INO80: variants seen among roughly 807,000 people sequenced by gnomAD.
The protein encoded by INO80 is chromatin-remodeling ATPase INO80.
In INO80, 20 loss-of-function variants were observed where a neutral mutation model predicts 203.4. That is an observed-to-expected ratio of 0.10 (90% confidence interval 0.07 to 0.14). INO80 has a LOEUF of 0.14. Ranked by LOEUF, INO80 falls within the 10% of genes least tolerant of loss-of-function variation. INO80 has a pLI of 1.00. For synonymous variants in INO80, 726 were observed against 685.2 expected (o/e 1.06, Z -0.93); for missense variants, 1,419 against 1,914.4 (o/e 0.74, Z 4.83).
intron 8 of INO80, 104 bp from the exon 9 acceptor site, chr15:41,080,008 C>A: frequency 1.1e-6 from 1 of 930,958 alleles, no homozygotes; most frequent in South Asian, 1.4e-5. Context: ...GCCAAACTGT[C>A]ATCCTTGACC....
intron 21 of INO80, 26 bp from the exon 22 acceptor site, chr15:41,048,302 G>A: frequency 3.2e-6 from 5 of 1,563,988 alleles, no homozygotes; most frequent in Non-Finnish European, 3.5e-6. Context: ...ATAAAATAAA[G>A]CCAAACCCAA....
intron 29 of INO80, among the ~76,000 whole-genome samples, chr15:40,996,247 C>T (rs772163960): frequency 1.4e-4 from 22 of 152,128 alleles, no homozygotes; most frequent in Non-Finnish European, 2.1e-4. Flanking sequence ...TTCCCATTTA[C>T]GTATTTTTAA....
At chr15:41,039,170 G>T (rs978372190) in intron 24 of INO80, among the ~76,000 whole-genome samples, 2 of 152,168 alleles carry the variant, frequency 1.3e-5, no homozygotes, top group Non-Finnish European at 2.9e-5. Context: ...TAGAGACACA[G>T]TCTCACTATG....
intron 29 of INO80, among the ~76,000 whole-genome samples, chr15:40,991,930 A>G (rs2043822238): frequency 6.6e-6 from 1 of 152,106 alleles, no homozygotes; most frequent in African/African-American, 2.4e-5. Flanking sequence ...GGCGTCCGCC[A>G]CCATGCCCGG....
chr15:41,097,400 T>C (rs2045741902), intron 1 of INO80, among the ~76,000 whole-genome samples: 1 of 152,182 alleles, frequency 6.6e-6, no homozygotes, highest in Admixed American at 6.5e-5. Context: ...TATCTCTAAA[T>C]ACTTAAAGGG....
intron 7 of INO80, among the ~76,000 whole-genome samples, chr15:41,084,652 AG>A (rs1241134544): frequency 6.6e-6 from 1 of 152,250 alleles, no homozygotes; most frequent in African/African-American, 2.4e-5. Context: ...ATTTTATTCT[AG>A]TGCCTGTGAT....
At chr15:41,055,133 G>A (rs767102161) in intron 18 of INO80, 114 bp downstream of exon 18, 18 of 540,102 alleles carry the variant, frequency 3.3e-5, no homozygotes, top group Middle Eastern at 2.9e-4. Flanking sequence ...TTTCTTCCCC[G>A]CTGATTTGTC....
chr15:41,061,227 C>G (rs980646995), intron 14 of INO80, among the ~76,000 whole-genome samples: 1 of 151,954 alleles, frequency 6.6e-6, no homozygotes, highest in African/African-American at 2.4e-5. Flanking sequence ...TTGCTTGAGC[C>G]TGGGAGAGGT....
intron 28 of INO80, 57 bp downstream of exon 28, chr15:41,005,536 T>C: frequency 2.3e-6 from 2 of 859,418 alleles, no homozygotes; most frequent in African/African-American, 1.7e-5. Flanking sequence ...AAACTTACCA[T>C]TTCAAGCACT....
In INO80 at chr15:41,095,824, T is replaced by A; in HGVS notation, c.248A>T (p.Glu83Val). The change falls in exon 3 of 36, where the codon GAA becomes GTA. Residue 83 changes from glutamate to valine, a missense_variant. Physicochemically the swap from Glu to Val is moderately radical, Grantham distance 121. Coordinates refer to ENST00000648947, the MANE Select transcript of INO80 (RefSeq NM_017553.3). ...KEEPPNSLLG[E>V]TSGAGSSGML... is the part of the protein sequence containing the mutation. ...TCCAGAACTGCCTGCTCCAGAAGTT[T>A]CACCAAGCAATGAATTTGGAGGTTC... The A allele has an allele frequency of 6.2e-7, 1 of 1,614,162 alleles. No homozygotes were observed.
At chr15:41,074,618 A>G (rs1346107513) in intron 9 of INO80, 53 bp from the exon 10 acceptor site, 1 of 1,289,006 alleles carries the variant, frequency 7.8e-7, no homozygotes, top group Non-Finnish European at 1.1e-6. Flanking sequence ...ATATCCAAGA[A>G]GTAGTCCAGA....
intron 24 of INO80, among the ~76,000 whole-genome samples, chr15:41,038,110 T>TGA (rs1297545201): frequency 6.8e-6 from 1 of 147,856 alleles, no homozygotes; most frequent in Non-Finnish European, 1.5e-5. Context: ...CGTCTCCCGT[T>TGA]TTCAAGTGAT....
chr15:40,995,349 A>G (rs568504431), intron 29 of INO80, among the ~76,000 whole-genome samples: 1 of 152,328 alleles, frequency 6.6e-6, no homozygotes, highest in Non-Finnish European at 1.5e-5. Flanking sequence ...AGGATGACTT[A>G]GGCTGAGGGA....
At chr15:41,087,708 G>A (rs1365668913) in intron 5 of INO80, 26 bp from the exon 6 acceptor site, 2 of 1,598,336 alleles carry the variant, frequency 1.3e-6, no homozygotes, top group African/African-American at 2.7e-5. Context: ...ACCATGATGG[G>A]CCTGTTTTCT....
rs779134937 is a variant in INO80 at position 41,034,891 on chromosome 15, G to A, written c.2908-7155C>T. Reference sequence around the variant, plus strand: ...GAGAACTGCTTCTCTTCTGCATTATGTTTCCAAATAATTAAAGTTACATAA... The same window carrying A: ...GAGAACTGCTTCTCTTCTGCATTATATTTCCAAATAATTAAAGTTACATAA... On this transcript the variant is annotated intron_variant, in intron 24 of 35. Transcript: ENST00000648947. Among the ~76,000 whole-genome samples, 34 of 152,082 alleles carry A rather than the reference G, an allele frequency of 2.2e-4. No individual in the cohort carries two copies. The Middle Eastern group carries it at 0.01, about 46-fold the overall frequency.
At chr15:41,077,460 C>A (rs746049397) in intron 9 of INO80, among the ~76,000 whole-genome samples, 10 of 151,556 alleles carry the variant, frequency 6.6e-5, no homozygotes, top group Non-Finnish European at 1.5e-4. Context: ...GCACTTGAGC[C>A]AGATCCAAAA....
At chr15:41,050,438 C>G (rs1423871725) in intron 19 of INO80, among the ~76,000 whole-genome samples, 3 of 152,200 alleles carry the variant, frequency 2.0e-5, no homozygotes, top group Non-Finnish European at 4.4e-5. Context: ...AAGAGTACCA[C>G]TCAGTCTGCA....
intron 12 of INO80, among the ~76,000 whole-genome samples, chr15:41,071,182 AAC>A (rs1451149173): frequency 6.6e-6 from 1 of 152,228 alleles, no homozygotes; most frequent in East Asian, 1.9e-4. Context: ...AAGAAAGAGA[AAC>A]AGAGACATCC....
At chr15:41,092,765 G>A (rs569106141) in intron 4 of INO80, among the ~76,000 whole-genome samples, 150 of 152,284 alleles carry the variant, frequency 9.9e-4, no homozygotes, top group African/African-American at 3.3e-3. Flanking sequence ...CAATTTATAC[G>A]AAATGTCTAG....
Sources: allele counts gnomAD v4.1 joint callset (sites outside exome capture counted in the v4.1 genomes callset), GRCh38; gene constraint gnomAD v4.1.1; transcripts MANE v1.5; gene names NCBI Gene and HGNC (gene_info 2026-07-23, HGNC 2026-07-21).